TRRAP: variants seen among roughly 807,000 people sequenced by gnomAD.
TRRAP encodes transformation/transcription domain associated protein, also known as transformation/transcription domain-associated protein.
A neutral mutation model predicts 438.8 loss-of-function variants in TRRAP; 41 were observed. That is an observed-to-expected ratio of 0.09 (90% CI 0.07 to 0.12). The LOEUF (loss-of-function observed/expected upper bound fraction) is 0.12, where lower values mean the gene tolerates loss of function less well. TRRAP is among the 10% of genes least tolerant of loss of function. TRRAP has a pLI of 1.00. For missense variants in TRRAP, 3,122 were observed against 5,055.1 expected (o/e 0.62, Z 11.60); for synonymous variants, 1,994 against 1,962.9 (o/e 1.02, Z -0.42).
rs567898574 is a variant in TRRAP, at chr7:98,942,547, C to G, written c.4405-402C>G. 1.6e-4 allele frequency among the ~76,000 whole-genome samples: 24 copies of G among 152,298 alleles called. No individual in the cohort carries two copies. The South Asian group carries it at 5.0e-3, about 32-fold the overall frequency. On this transcript the variant is annotated intron_variant, in intron 30 of 72. Transcript: ENST00000456197. ...AGGCACCTTTATGTTTACCTTTTTC[C>G]TCATCAGACCACGGGCTCCGCAAGG...
rs150961186 is a variant in TRRAP at position 98,976,566 on chromosome 7, C to T, written c.8043C>T (p.Cys2681=). The T allele has an allele frequency of 3.6e-5, 58 of 1,614,068 alleles. No individual in the cohort carries two copies. Among genetic ancestry groups the T allele is most frequent in the Non-Finnish European group, 8.5e-6 (10 of 1,180,048 alleles). Residue 2681 remains cysteine, a synonymous_variant, in exon 55 of 73, where the codon TGC becomes TGT. Coordinates refer to ENST00000456197, the MANE Select transcript of TRRAP (RefSeq NM_001375524.1). The surrounding 1 kb of genome is among the most constrained non-coding windows in gnomAD (Gnocchi z 4.6). The part of the protein sequence containing the change: ...QRDCQPSALN[C]FVEAMSQCVP... ...ACTGCCAGCCCAGCGCGCTGAACTG[C>T]TTTGTGGAAGCCATGTCCCAGTGCG...
chr7:99,002,571 C>A (rs1364474885), intron 67 of TRRAP, among the ~76,000 whole-genome samples: 2 of 152,144 alleles, frequency 1.3e-5, no homozygotes, highest in Non-Finnish European at 2.9e-5. Flanking sequence ...TGGTGGTGGC[C>A]TCTGTCTCTC....
chr7:98,983,466 C>A lies in TRRAP; in HGVS notation c.9022+7C>A, dbSNP rs774473343. ...AGGCAGCATCATTACCAGGGTAAAC[C>A]GACCTGGTCCGGCATGCATTCATCA... On this transcript the variant is annotated splice_region_variant and intron_variant, in intron 60 of 72. Transcript: ENST00000456197. 1 of 1,614,016 alleles carries A rather than the reference C, an allele frequency of 6.2e-7. No individual in the cohort carries two copies. Among genetic ancestry groups the A allele is most frequent in the African/African-American group, 1.3e-5 (1 of 75,028 alleles).
chr7:98,880,694 T>A (rs1442369390), intron 1 of TRRAP, among the ~76,000 whole-genome samples: 2 of 152,242 alleles, frequency 1.3e-5, no homozygotes, highest in East Asian at 3.9e-4. Context: ...ATAAATAAAG[T>A]TTTATTGGAA....
chr7:98,984,365 A>G lies in TRRAP; in HGVS notation c.9288+7A>G. 1 of 1,551,144 alleles carries G rather than the reference A, an allele frequency of 6.4e-7. No homozygotes were observed. The highest frequency in any genetic ancestry group is 2.3e-5 in the East Asian group (1 of 43,320). ...CAAAAACGAGTGCATGCAGGTGCGGACAGGACACTTGAAGAATGAGGCCAG... is the reference window on the plus strand; with the variant it reads ...CAAAAACGAGTGCATGCAGGTGCGGGCAGGACACTTGAAGAATGAGGCCAG... On this transcript the variant is annotated splice_region_variant and intron_variant, in intron 61 of 72. Coordinates refer to ENST00000456197, the MANE Select transcript of TRRAP (RefSeq NM_001375524.1).
At chr7:98,942,588 C>T (rs1462347155) in intron 30 of TRRAP, among the ~76,000 whole-genome samples, 1 of 152,196 alleles carries the variant, frequency 6.6e-6, no homozygotes, top group Non-Finnish European at 1.5e-5. Context: ...GACATCATGA[C>T]AGGGATGATG....
At chr7:98,931,066 C>G (rs1413571228) in intron 25 of TRRAP, among the ~76,000 whole-genome samples, 2 of 152,180 alleles carry the variant, frequency 1.3e-5, no homozygotes, top group Admixed American at 1.3e-4. Context: ...CAGTGTTTAC[C>G]ACAGTGTGTC....
rs544501906 is a variant in TRRAP at position 98,924,991 on chromosome 7, C to T, written c.2824-121C>T. The T allele has an allele frequency of 6.2e-5, 83 of 1,339,518 alleles. No homozygotes were observed. In the African/African-American group the frequency reaches 8.6e-4, roughly 14 times the overall value. 83.0% of individuals were successfully genotyped at this position (1,339,518 alleles called of 1,614,324 possible). ...CTGCACTCCAGCCCAGGCGACAGAG[C>T]GAGACTCCGTCTCAAAAAAAAAAAA... On this transcript the variant is annotated intron_variant, in intron 21 of 72. Transcript: ENST00000456197.
At chr7:98,887,727 C>T (rs1477881911) in intron 3 of TRRAP, among the ~76,000 whole-genome samples, 21 of 23,122 alleles carry the variant, frequency 9.1e-4, no homozygotes, top group African/African-American at 2.7e-3. Context: ...GAAACTCCGT[C>T]TCAAAAAAAA....
intron 12 of TRRAP, among the ~76,000 whole-genome samples, chr7:98,905,837 G>A (rs1796702259): frequency 6.6e-6 from 1 of 152,172 alleles, no homozygotes; most frequent in South Asian, 2.1e-4. Flanking sequence ...TGGTTGGGAG[G>A]GTGGTGACAA....
intron 5 of TRRAP, 78 bp downstream of exon 5, chr7:98,892,606 A>T: frequency 8.2e-7 from 1 of 1,225,700 alleles, no homozygotes; most frequent in Non-Finnish European, 1.1e-6. Flanking sequence ...AAATTTCAGC[A>T]TTATACAACT....
chr7:98,894,783 G>GTTTTTTTTTTTTTTTTTTTTTTTTT, intron 6 of TRRAP, among the ~76,000 whole-genome samples: 2 of 87,418 alleles, frequency 2.3e-5, no homozygotes, highest in Non-Finnish European at 4.0e-5. Flanking sequence ...CCAGCTAATG[G>GTTTTTTTTTTTTTTTTTTTTTTTTT]TTTTTTTTTT....
intron 12 of TRRAP, 86 bp downstream of exon 12, chr7:98,903,603 G>A: frequency 3.2e-6 from 5 of 1,567,040 alleles, no homozygotes; most frequent in South Asian, 2.3e-5. Flanking sequence ...TAGTTGTGCT[G>A]TGAGGTTTCC....
At chr7:98,926,098 G>T (rs577970619) in intron 22 of TRRAP, among the ~76,000 whole-genome samples, 1 of 152,040 alleles carries the variant, frequency 6.6e-6, no homozygotes, top group African/African-American at 2.4e-5. Context: ...AGAAGTTGTC[G>T]AATACTTATC....
chr7:98,955,805 T>A (rs541980042), intron 41 of TRRAP, among the ~76,000 whole-genome samples: 1 of 152,370 alleles, frequency 6.6e-6, no homozygotes, highest in Admixed American at 6.5e-5. Context: ...TTTGGGTATG[T>A]CTTAAACTTT....
intron 51 of TRRAP, among the ~76,000 whole-genome samples, chr7:98,968,704 T>G (rs1185915806): frequency 6.6e-6 from 1 of 152,210 alleles, no homozygotes; most frequent in Non-Finnish European, 1.5e-5. Flanking sequence ...GGATTAGTTC[T>G]CTTTGATGAG....
At position 99,008,527 on chromosome 7, in the gene TRRAP, C is replaced by T. The variant is rs369585892; in HGVS notation, c.10904C>T (p.Thr3635Met). The change falls in exon 70 of 73, where the codon ACG becomes ATG. Residue 3635 changes from threonine to methionine, a missense_variant. Physicochemically the swap from Thr to Met is moderately conservative, Grantham distance 81. This residue lies in a region of TRRAP where 192 missense variants were observed against 355.6 expected (regional missense o/e 0.54). Transcript: ENST00000456197. Reference sequence around the variant, plus strand: ...TCCCGTTACTATGACCGGCTGGCTACGGTGCAGGCGCGGGGAACCCAAGCC... The same window carrying T: ...TCCCGTTACTATGACCGGCTGGCTATGGTGCAGGCGCGGGGAACCCAAGCC... ...PISRYYDRLA[T>M]VQARGTQASH... 3.1e-5 allele frequency: 50 copies of T among 1,613,802 alleles called. No individual in the cohort carries two copies. In the East Asian group the frequency reaches 5.6e-4, roughly 18 times the overall value.
intron 23 of TRRAP, among the ~76,000 whole-genome samples, chr7:98,929,001 G>A (rs1225459465): frequency 2.0e-5 from 3 of 149,726 alleles, no homozygotes; most frequent in Non-Finnish European, 4.4e-5. Context: ...GCAGTGGTGC[G>A]ATCTCAGCTC....
rs180725161 is a variant in TRRAP, at chr7:98,959,516, G to A, written c.6489+26G>A. ...GTGAGTGCGAGTGTCTGAAGGGCCA[G>A]GGCAGCGCCACCGAGGCCACTAGCA... On this transcript the variant is annotated intron_variant, in intron 45 of 72. Transcript: ENST00000456197. The A allele has an allele frequency of 2.7e-5, 43 of 1,606,640 alleles. No homozygotes were observed. In the African/African-American group the frequency reaches 4.5e-4, roughly 17 times the overall value.
Sources: gnomAD v4.1 joint callset for allele counts (sites outside exome capture counted in the v4.1 genomes callset) on GRCh38, gnomAD v4.1.1 for gene constraint, gnomAD v4.1.1 regional missense constraint, Gnocchi (gnomAD v3.1) non-coding constraint, MANE v1.5 for transcripts, NCBI Gene and HGNC (gene_info 2026-07-23, HGNC 2026-07-21) for gene names.